The following EML5 variants were observed in gnomAD, a reference collection of about 807,000 sequenced individuals.
EML5 encodes EMAP like 5.
A neutral mutation model predicts 250.0 loss-of-function variants in EML5; 120 were observed. The observed-to-expected ratio is 0.48, with a 90% CI of 0.41 to 0.56. The LOEUF is 0.56. Ranked by LOEUF, EML5 falls within the 20% of genes least tolerant of loss-of-function variation. The probability of loss-of-function intolerance (pLI) is 0.00; values close to 1 mark genes in which losing one functional copy is unlikely to be tolerated. For missense variants in EML5, 2,006 were observed against 2,437.6 expected (o/e 0.82, Z 3.73); for synonymous variants, 771 against 806.5 (o/e 0.96, Z 0.75).
At chr14:88,676,915 T>C (rs549696912) in intron 21 of EML5, among the ~76,000 whole-genome samples, 1 of 152,264 alleles carries the variant, frequency 6.6e-6, no homozygotes, top group East Asian at 1.9e-4. Flanking sequence ...TTTGTTTGTA[T>C]TTTTTCTGAG....
At chr14:88,631,639 A>G (rs1207296340) in intron 33 of EML5, among the ~76,000 whole-genome samples, 1 of 152,162 alleles carries the variant, frequency 6.6e-6, no homozygotes, top group Non-Finnish European at 1.5e-5. Flanking sequence ...GCGTGGTGGC[A>G]GTCGCCTGTA....
chr14:88,724,628 T>C (rs1055562679), intron 8 of EML5, among the ~76,000 whole-genome samples: 29 of 152,360 alleles, frequency 1.9e-4, no homozygotes, highest in African/African-American at 7.0e-4. Context: ...TTAGGTGTTT[T>C]ACATGCATCT....
chr14:88,756,369 A>G (rs568081940), intron 1 of EML5, among the ~76,000 whole-genome samples: 2 of 152,346 alleles, frequency 1.3e-5, no homozygotes, highest in Non-Finnish European at 2.9e-5. Context: ...CTGACAAAGG[A>G]CATCTACATA....
rs1394725465 is a variant in EML5, at chr14:88,696,512, G to A, written c.2344+335C>T. On this transcript the variant is annotated intron_variant, in intron 15 of 43. Coordinates refer to ENST00000554922, the MANE Select transcript of EML5 (RefSeq NM_183387.3). ...TCAAAGTTTACTCTGGCTATAAAAC[G>A]GTAAGTGAGATCAGTGCCCTCCCAG... Among the ~76,000 whole-genome samples the A allele has an allele frequency of 5.3e-5, 8 of 152,132 alleles. No homozygotes were observed. The South Asian group carries it at 1.5e-3, about 28-fold the overall frequency.
At chr14:88,734,485 G>A (rs992344789) in intron 7 of EML5, among the ~76,000 whole-genome samples, 2 of 151,960 alleles carry the variant, frequency 1.3e-5, no homozygotes, top group East Asian at 3.9e-4. Flanking sequence ...TTCTCTTAAG[G>A]GGCCACAATA....
intron 8 of EML5, among the ~76,000 whole-genome samples, chr14:88,722,370 C>A (rs1216026719): frequency 6.6e-6 from 1 of 152,084 alleles, no homozygotes; most frequent in Non-Finnish European, 1.5e-5. Context: ...CACCCAAATG[C>A]CCATCAATGA....
chr14:88,637,883 T>C (rs115753300), intron 32 of EML5, among the ~76,000 whole-genome samples: 2,260 of 152,260 alleles, frequency 0.015, 57 homozygotes, highest in African/African-American at 0.051. Context: ...TAATGGGTAA[T>C]GTTCCATTTA....
chr14:88,726,981 G>A (rs576915938), intron 7 of EML5, among the ~76,000 whole-genome samples: 1 of 152,200 alleles, frequency 6.6e-6, no homozygotes, highest in South Asian at 2.1e-4. Context: ...CAATCCTCTA[G>A]CCTCAGCCTC....
At position 88,688,271 on chromosome 14, in the gene EML5, T is replaced by C. The variant is rs1423809070; in HGVS notation, c.2742A>G (p.Lys914=). 2 of 1,613,754 alleles carry C rather than the reference T, an allele frequency of 1.2e-6. No homozygotes were observed. The highest frequency in any genetic ancestry group is 1.7e-6 in the Non-Finnish European group (2 of 1,179,854). Residue 914 remains lysine (K), a splice_region_variant and synonymous_variant, in exon 18 of 44, where the codon AAA becomes AAG. Coordinates refer to ENST00000554922, the MANE Select transcript of EML5 (RefSeq NM_183387.3). Reference sequence around the variant, plus strand: ...TTTAAAATCTCTTTAGGTTACTTACTTTTTCCAATGCATGCATACTGAACA... The same window carrying C: ...TTTAAAATCTCTTTAGGTTACTTACCTTTTCCAATGCATGCATACTGAACA... The part of the protein sequence containing the change: ...GPVFSMHALE[K]GFVTGGKDGI...
At position 88,658,187 on chromosome 14, in the gene EML5, C is replaced by G; in HGVS notation, c.3877G>C (p.Gly1293Arg). ...ESDIDSEEDG[G>R]YDSDVTRENE... ...GTTCAAGTATTATAAAATGACGTAC[C>G]CCCATCTTCTTCAGAATCAATGTCG... The change falls in exon 26 of 44, where the codon GGC becomes CGC. Residue 1293 changes from glycine (G) to arginine (R), a missense_variant and splice_region_variant. Physicochemically the swap from Gly to Arg is moderately radical, Grantham distance 125. Transcript: ENST00000554922. The G allele has an allele frequency of 1.9e-6, 3 of 1,613,238 alleles. No individual in the cohort carries two copies. The highest frequency in any genetic ancestry group is 2.5e-6 in the Non-Finnish European group (3 of 1,179,546).
chr14:88,669,127 C>T (rs1381624967), intron 21 of EML5, among the ~76,000 whole-genome samples: 1 of 152,200 alleles, frequency 6.6e-6, no homozygotes, highest in Non-Finnish European at 1.5e-5. Context: ...ATTGTGCTAT[C>T]CTGCCCGGGA....
In EML5 at chr14:88,642,944, C is replaced by T. The variant is rs2091150556; in HGVS notation, c.4186G>A (p.Asp1396Asn). The T allele has an allele frequency of 6.2e-7, 1 of 1,605,894 alleles. No individual in the cohort carries two copies. Among genetic ancestry groups the T allele is most frequent in the African/African-American group, 1.3e-5 (1 of 74,492 alleles). ...NNVHYLNDGD[D>N]IIYHTASVGI... ...ACAGATGCAGTGTGATAAATTATATCATCACCATCATTTAAATAGTGAACA... is the reference window on the plus strand; with the variant it reads ...ACAGATGCAGTGTGATAAATTATATTATCACCATCATTTAAATAGTGAACA... Residue 1396 changes from aspartate (D) to asparagine (N), a missense_variant, in exon 31 of 44, where the codon GAT becomes AAT. Transcript: ENST00000554922.
chr14:88,748,858 G>A (rs1415130727), intron 2 of EML5, among the ~76,000 whole-genome samples: 1 of 151,692 alleles, frequency 6.6e-6, no homozygotes, highest in African/African-American at 2.4e-5. Context: ...TGAAGACACA[G>A]CAATAGAACC....
intron 8 of EML5, among the ~76,000 whole-genome samples, chr14:88,716,234 CTAGAAA>C (rs1184798219): frequency 1.3e-5 from 2 of 152,076 alleles, no homozygotes; most frequent in East Asian, 3.9e-4. Flanking sequence ...CAACATAGTA[CTAGAAA>C]TAGAAATAGA....
chr14:88,661,261 T>G (rs79529361), intron 25 of EML5, among the ~76,000 whole-genome samples: 3,511 of 152,234 alleles, frequency 0.023, 137 homozygotes, highest in African/African-American at 0.081. Flanking sequence ...GCTAATTTTT[T>G]TCTCTGTTTT....
intron 36 of EML5, chr14:88,622,998 A>C: frequency 4.0e-6 from 1 of 249,894 alleles, no homozygotes; most frequent in Non-Finnish European, 7.5e-6. Flanking sequence ...ATTACAATAC[A>C]TTATCCTCTC....
intron 28 of EML5, among the ~76,000 whole-genome samples, chr14:88,648,480 C>T (rs1321878492): frequency 2.0e-5 from 3 of 152,044 alleles, no homozygotes; most frequent in Admixed American, 6.6e-5. Flanking sequence ...CAGCATCCCA[C>T]GTAGCTGGGA....
chr14:88,663,569 T>A (rs1595430668), intron 23 of EML5, among the ~76,000 whole-genome samples: 2 of 152,334 alleles, frequency 1.3e-5, no homozygotes, highest in South Asian at 2.1e-4. Flanking sequence ...CCATGCATTC[T>A]GCTAAAATAC....
At chr14:88,729,570 TTG>T (rs2093721105) in intron 7 of EML5, among the ~76,000 whole-genome samples, 3 of 145,718 alleles carry the variant, frequency 2.1e-5, no homozygotes, top group African/African-American at 8.5e-5. Flanking sequence ...TTTTTGTTTT[TTG>T]TTTTTTTGAG....
Sources: allele counts gnomAD v4.1 joint callset (sites outside exome capture counted in the v4.1 genomes callset), GRCh38; gene constraint gnomAD v4.1.1; transcripts MANE v1.5; gene names NCBI Gene and HGNC (gene_info 2026-07-23, HGNC 2026-07-21).